ZNF318: variants seen among roughly 807,000 people sequenced by gnomAD.
The protein encoded by ZNF318 is zinc finger protein 318, also known as endocrine regulator.
ZNF318 carries 51 observed loss-of-function variants against 124.2 expected under a neutral mutation model. That is an observed-to-expected ratio of 0.41 (90% CI 0.33 to 0.52). The LOEUF is 0.52. ZNF318 is among the 20% of genes least tolerant of loss of function. The probability of loss-of-function intolerance (pLI) is 0.23; values close to 1 mark genes in which losing one functional copy is unlikely to be tolerated. For missense variants in ZNF318, 2,815 were observed against 2,811.2 expected, an observed-to-expected ratio of 1.00 and a Z score of -0.03; for synonymous variants, 1,090 against 1,040.7, an observed-to-expected ratio of 1.05 and a Z score of -0.91.
chr6:43,366,264 G>C (rs1779760104), intron 1 of ZNF318, among the ~76,000 whole-genome samples: 1 of 152,178 alleles, frequency 6.6e-6, no homozygotes, highest in South Asian at 2.1e-4. Context: ...TAACAGAAAA[G>C]CGGCCGGTGT....
intron 1 of ZNF318, 109 bp from the exon 2 acceptor site, chr6:43,365,549 G>T: frequency 8.8e-7 from 1 of 1,139,360 alleles, no homozygotes; most frequent in Non-Finnish European, 1.2e-6. Flanking sequence ...GCTCATGCCT[G>T]TATACCCAAC....
intron 5 of ZNF318, among the ~76,000 whole-genome samples, chr6:43,351,139 CA>C (rs929964249): frequency 2.6e-5 from 4 of 152,112 alleles, no homozygotes; most frequent in African/African-American, 9.7e-5. Flanking sequence ...AGGAAACAGA[CA>C]AATCAAAATT....
chr6:43,341,065 G>C (rs1186818382), intron 8 of ZNF318, among the ~76,000 whole-genome samples, 157 bp from the exon 9 acceptor site: 1 of 152,256 alleles, frequency 6.6e-6, no homozygotes, highest in East Asian at 1.9e-4. Flanking sequence ...GAATCCCAAT[G>C]GCACAGTCTT....
Position 43,355,221 on chromosome 6 carries a change from G to C in ZNF318, c.2113C>G (p.Leu705Val). Reference protein sequence around the residue: ...HPPSPVDPYLLTKNSPPFLKS... With the variant: ...HPPSPVDPYLVTKNSPPFLKS... ...AGGAATGGAGGGCTGTTTTTTGTGA[G>C]CAGGTAAGGATCCACAGGAGAAGGT... Residue 705 changes from leucine to valine, a missense_variant, in exon 4 of 10, where the codon CTC becomes GTC. Transcript: ENST00000361428. 3 of 1,614,208 alleles carry C rather than the reference G, an allele frequency of 1.9e-6. No homozygotes were observed. The highest frequency in any genetic ancestry group is 1.6e-4 in the Middle Eastern group (1 of 6,062).
chr6:43,368,703 A>G, intron 1 of ZNF318: 1 of 985,260 alleles, frequency 1.0e-6, no homozygotes, highest in Non-Finnish European at 1.2e-6. Flanking sequence ...AACTTTCCAC[A>G]CCTCACCCGG....
chr6:43,352,760 A>C (rs942354296), intron 4 of ZNF318, among the ~76,000 whole-genome samples: 6 of 152,264 alleles, frequency 3.9e-5, no homozygotes, highest in African/African-American at 1.4e-4. Context: ...TAAGTTCCAA[A>C]GGGAACCATA....
At chr6:43,352,264 T>TTTTGTAAGTGTAATGACTG in intron 5 of ZNF318, 113 bp downstream of exon 5, 1 of 434,000 alleles carries the variant, frequency 2.3e-6, no homozygotes, top group Non-Finnish European at 3.3e-6. Context: ...TTTAATTACG[T>TTTTGTAAGTGTAATGACTG]CAAAAAAAAA....
At position 43,354,761 on chromosome 6, in the gene ZNF318, G is replaced by C. The variant is rs374413744; in HGVS notation, c.2573C>G (p.Ala858Gly). The change falls in exon 4 of 10, where the codon GCG becomes GGG. Residue 858 changes from alanine (A) to glycine (G), a missense_variant. Around this residue, in one of 4 missense-constraint regions of ZNF318, gnomAD observed 1,377 missense variants for 1,353.5 expected, o/e 1.02. Transcript: ENST00000361428. ...GGACACCTGGACAGGCACTTGGGCCGCAGGAATTGAGCCTCGCAGAGACTC... is the reference window on the plus strand; with the variant it reads ...GGACACCTGGACAGGCACTTGGGCCCCAGGAATTGAGCCTCGCAGAGACTC... ...QKESLRGSIP[A>G]AQVPVQVSIP... is the part of the protein sequence containing the mutation. 1.2e-6 allele frequency: 2 copies of C among 1,614,156 alleles called. No homozygotes were observed. Among genetic ancestry groups the C allele is most frequent in the Non-Finnish European group, 1.7e-6 (2 of 1,180,014 alleles).
chr6:43,348,535 T>C lies in ZNF318; in HGVS notation c.2861A>G (p.Lys954Arg). ...EVSRLQDNIM[K>R]DIAELRQEAE... ...CTCTTGCCGTAGCTCTGCAATGTCC[T>C]TCATAATGTTATCCTGAAGCCGACT... Residue 954 changes from lysine (K) to arginine (R), a missense_variant, in exon 6 of 10, where the codon AAG (lysine) becomes AGG (arginine). By Grantham distance (26) the Lys-to-Arg change is conservative (BLOSUM62 2). Transcript: ENST00000361428. 3 of 1,614,200 alleles carry C rather than the reference T, an allele frequency of 1.9e-6. No homozygotes were observed. Among genetic ancestry groups the C allele is most frequent in the Non-Finnish European group, 8.5e-7 (1 of 1,180,028 alleles).
Position 43,337,705 on chromosome 6 carries a change from C to T in ZNF318, c.6293G>A (p.Arg2098Lys). 1 of 1,614,132 alleles carries T rather than the reference C, an allele frequency of 6.2e-7. No homozygotes were observed. Among genetic ancestry groups the T allele is most frequent in the Non-Finnish European group, 8.5e-7 (1 of 1,180,022 alleles). Residue 2098 changes from arginine (R) to lysine (K), a missense_variant, in exon 10 of 10, where the codon AGG (arginine) becomes AAG (lysine). Coordinates refer to ENST00000361428, the MANE Select transcript of ZNF318 (RefSeq NM_014345.3). ...ERNSPNPRSV[R>K]IPSPNILKTG... Reference sequence around the variant, plus strand: ...TTTCAAAATGTTAGGAGAAGGGATCCTAACACTCCTGGGATTAGGTGAGTT... The same window carrying T: ...TTTCAAAATGTTAGGAGAAGGGATCTTAACACTCCTGGGATTAGGTGAGTT...
At chr6:43,360,879 G>A (rs1268120745) in intron 2 of ZNF318, among the ~76,000 whole-genome samples, 1 of 152,132 alleles carries the variant, frequency 6.6e-6, no homozygotes, top group Non-Finnish European at 1.5e-5. Flanking sequence ...TGTCCAGAAC[G>A]GGCAAATCTA....
chr6:43,340,660 T>C lies in ZNF318; in HGVS notation c.3495+130A>G, dbSNP rs1453713063. ...TCTGCTGAGCATCTCCCACTAGGAT[T>C]GAGGAGAACTTAGAGGTTATATGGA... On this transcript the variant is annotated intron_variant, in intron 9 of 9. Coordinates refer to ENST00000361428, the MANE Select transcript of ZNF318 (RefSeq NM_014345.3). 4 of 1,502,526 alleles carry C rather than the reference T, an allele frequency of 2.7e-6. No homozygotes were observed. In the African/African-American group the frequency reaches 4.2e-5, roughly 16 times the overall value. The allele number at this position is 1,502,526 out of a possible 1,614,324, so 93.1% of individuals were successfully genotyped here. A position where few individuals can be genotyped will look rare whatever the true frequency, so the allele number is the denominator to read the frequency against.
At chr6:43,346,191 A>T (rs1222853133) in intron 6 of ZNF318, among the ~76,000 whole-genome samples, 1 of 126,776 alleles carries the variant, frequency 7.9e-6, no homozygotes, top group African/African-American at 2.6e-5. Context: ...CAAAAAAAAA[A>T]AAAAAAAAAA....
Position 43,342,750 on chromosome 6 carries a change from A to T in ZNF318, c.3202T>A (p.Cys1068Ser). The T allele has an allele frequency of 6.2e-7, 1 of 1,614,262 alleles. No individual in the cohort carries two copies. The highest frequency in any genetic ancestry group is 8.5e-7 in the Non-Finnish European group (1 of 1,180,042). ...CCACAGATGGTGTTGCAGTCTTTGC[A>T]CCAGTGATTGCCAGCATCATAATAC... ...YEYYDAGNHW[C>S]KDCNTICGTM... Residue 1068 changes from cysteine (C) to serine (S), a missense_variant, in exon 7 of 10, where the codon TGC becomes AGC. Around this residue, in one of 4 missense-constraint regions of ZNF318, gnomAD observed 500 missense variants for 605.2 expected, o/e 0.83. Transcript: ENST00000361428.
At chr6:43,367,507 T>C (rs1490638688) in intron 1 of ZNF318, among the ~76,000 whole-genome samples, 1 of 152,290 alleles carries the variant, frequency 6.6e-6, no homozygotes, top group Middle Eastern at 3.4e-3. Context: ...GGCAGGAGGA[T>C]GGCAGTTTTG....
chr6:43,354,029 A>G (rs1779568810), intron 4 of ZNF318, among the ~76,000 whole-genome samples: 1 of 151,712 alleles, frequency 6.6e-6, no homozygotes, highest in Non-Finnish European at 1.5e-5. Flanking sequence ...CTTGAGCCCA[A>G]GAGTTCAAGA....
At position 43,355,437 on chromosome 6, in the gene ZNF318, G is replaced by C. The variant is rs139341489; in HGVS notation, c.1897C>G (p.Arg633Gly). The C allele has an allele frequency of 6.2e-7, 1 of 1,614,088 alleles. No homozygotes were observed. ...GAAAAGTATCGGTCAACTGAGGAAC[G>C]GCGGTCAGCTGAGGAGCGTAATGAT... is the stretch of plus-strand genomic sequence containing the variant. ...KPSLRSSADR[R>G]SSVDRYFSAD... Residue 633 changes from arginine to glycine, a missense_variant, in exon 4 of 10, where the codon CGT becomes GGT. Physicochemically the swap from Arg to Gly is moderately radical, Grantham distance 125. Around this residue, in one of 4 missense-constraint regions of ZNF318, gnomAD observed 1,377 missense variants for 1,353.5 expected, o/e 1.02. Coordinates refer to ENST00000361428, the MANE Select transcript of ZNF318 (RefSeq NM_014345.3).
chr6:43,365,619 C>A (rs1779750804), intron 1 of ZNF318, among the ~76,000 whole-genome samples, 179 bp from the exon 2 acceptor site: 1 of 152,144 alleles, frequency 6.6e-6, no homozygotes, highest in African/African-American at 2.4e-5. Flanking sequence ...CTGGGCAACA[C>A]AGACTCCATC....
intron 5 of ZNF318, among the ~76,000 whole-genome samples, chr6:43,352,145 A>AATCATCATCATC (rs3078977): frequency 8.5e-6 from 1 of 117,062 alleles, no homozygotes. Flanking sequence ...CTTCGTCTCA[A>AATCATCATCATC]ATCATCATCA....
Sources: allele counts gnomAD v4.1 joint callset (sites outside exome capture counted in the v4.1 genomes callset), GRCh38; gene constraint gnomAD v4.1.1; regional missense constraint gnomAD v4.1.1; transcripts MANE v1.5; gene names NCBI Gene and HGNC (gene_info 2026-07-23, HGNC 2026-07-21).